BMPER: variants seen among roughly 807,000 people sequenced by gnomAD.
BMPER encodes BMP-binding endothelial regulator protein.
In BMPER, 45 loss-of-function variants were observed where a neutral mutation model predicts 87.3. That is an observed-to-expected ratio of 0.52 (90% CI 0.41 to 0.66). BMPER has a LOEUF of 0.66. Among genes scored for constraint, BMPER ranks in the 30% least tolerant of loss-of-function variants. The pLI is 0.00. For missense variants in BMPER, 784 were observed against 867.5 expected (o/e 0.90, Z 1.21); for synonymous variants, 326 against 316.2 (o/e 1.03, Z -0.33).
chr7:34,086,527 G>A (rs941247950), intron 13 of BMPER, among the ~76,000 whole-genome samples: 7 of 152,180 alleles, frequency 4.6e-5, no homozygotes, highest in Admixed American at 4.6e-4. Flanking sequence ...TCTACCTGAG[G>A]AAGAGTTTAG....
At chr7:34,055,723 T>C (rs1051599888) in intron 9 of BMPER, among the ~76,000 whole-genome samples, 10 of 152,188 alleles carry the variant, frequency 6.6e-5, no homozygotes, top group African/African-American at 2.4e-4. Context: ...AAAAATTTTC[T>C]CATTTGGAAG....
At chr7:34,068,245 A>G (rs1788644653) in intron 11 of BMPER, among the ~76,000 whole-genome samples, 1 of 152,206 alleles carries the variant, frequency 6.6e-6, no homozygotes, top group Admixed American at 6.5e-5. Context: ...GACGCTCAAG[A>G]TAGTTGTGGA....
At chr7:33,942,902 G>C (rs763274791) in intron 3 of BMPER, among the ~76,000 whole-genome samples, 2 of 152,146 alleles carry the variant, frequency 1.3e-5, no homozygotes, top group Non-Finnish European at 2.9e-5. Context: ...AATGCTTATT[G>C]GAAATCTATT....
chr7:34,133,880 G>C (rs1437195616), intron 13 of BMPER, among the ~76,000 whole-genome samples: 2 of 152,128 alleles, frequency 1.3e-5, no homozygotes, highest in Non-Finnish European at 2.9e-5. Context: ...AAACAGTTTA[G>C]TTTTTCCTTT....
chr7:33,921,529 C>G lies in BMPER; in HGVS notation c.219+14626C>G, dbSNP rs183658899. Among the ~76,000 whole-genome samples the G allele has an allele frequency of 3.2e-4, 49 of 152,276 alleles. No individual in the cohort carries two copies. In the East Asian group the frequency reaches 7.9e-3, roughly 25 times the overall value. Reference sequence around the variant, plus strand: ...AACCACAAGGGTTGAGAGAATACCCCCCGGGGTCAGTGAGAGAGACCCAGC... The same window carrying G: ...AACCACAAGGGTTGAGAGAATACCCGCCGGGGTCAGTGAGAGAGACCCAGC... On this transcript the variant is annotated intron_variant, in intron 2 of 14. Coordinates refer to ENST00000649409, the MANE Select transcript of BMPER (RefSeq NM_001365308.1).
intron 2 of BMPER, among the ~76,000 whole-genome samples, chr7:33,923,688 G>A (rs1041115017): frequency 1.3e-5 from 2 of 152,176 alleles, no homozygotes; most frequent in African/African-American, 4.8e-5. Flanking sequence ...TGTAATGACC[G>A]CAGCCAGGGT....
At position 34,154,339 on chromosome 7, in the gene BMPER, C is replaced by A. The variant is rs1428683990; in HGVS notation, c.*1066C>A. 6.6e-6 allele frequency: 1 copy of A among 152,190 alleles called. No homozygotes were observed. The highest frequency in any genetic ancestry group is 1.5e-5 in the Non-Finnish European group (1 of 68,038). The allele number at this position is 152,190 out of a possible 1,614,324, so 9.4% of individuals were successfully genotyped here. ...GTCCAAAGAACAGTCTCTATACTTG[C>A]CCTCATTTACTGATAGGCTGCTACT... On this transcript the variant is annotated 3_prime_UTR_variant, in exon 15 of 15. Transcript: ENST00000649409.
chr7:33,968,709 T>A (rs2128618179), intron 4 of BMPER, among the ~76,000 whole-genome samples: 1 of 152,360 alleles, frequency 6.6e-6, no homozygotes, highest in Admixed American at 6.5e-5. Context: ...CTCAGACAGA[T>A]GACAGGAAGT....
intron 13 of BMPER, among the ~76,000 whole-genome samples, chr7:34,130,575 G>C (rs1474297599): frequency 6.6e-6 from 1 of 152,208 alleles, no homozygotes; most frequent in Non-Finnish European, 1.5e-5. Flanking sequence ...AACAGGTTTT[G>C]AGCATGTACC....
At chr7:34,011,553 T>A (rs1585735136) in intron 6 of BMPER, among the ~76,000 whole-genome samples, 1 of 91,874 alleles carries the variant, frequency 1.1e-5, no homozygotes, top group Admixed American at 1.6e-4. Context: ...AGAATGTAAA[T>A]AGGCCTTTGC....
intron 6 of BMPER, among the ~76,000 whole-genome samples, chr7:34,007,821 G>A (rs1006102151): frequency 3.3e-5 from 5 of 151,804 alleles, no homozygotes; most frequent in African/African-American, 1.2e-4. Context: ...ATTAATCCTA[G>A]AACTAGAGTT....
intron 6 of BMPER, among the ~76,000 whole-genome samples, chr7:34,005,440 T>A (rs186569355): frequency 1.3e-5 from 2 of 152,056 alleles, no homozygotes; most frequent in Non-Finnish European, 2.9e-5. Flanking sequence ...GTTGACTTTT[T>A]ACATTTTTTT....
intron 6 of BMPER, among the ~76,000 whole-genome samples, chr7:34,043,877 G>T (rs954626569): frequency 7.9e-5 from 12 of 152,174 alleles, no homozygotes; most frequent in African/African-American, 2.9e-4. Context: ...GTAGGAATTT[G>T]TTCAGTTTTA....
At chr7:33,908,798 A>C (rs1290221256) in intron 2 of BMPER, among the ~76,000 whole-genome samples, 1 of 152,184 alleles carries the variant, frequency 6.6e-6, no homozygotes, top group African/African-American at 2.4e-5. Context: ...AGGCTCAGTG[A>C]TATGTTATCA....
chr7:34,032,336 A>T (rs1458262904), intron 6 of BMPER, among the ~76,000 whole-genome samples: 1 of 152,010 alleles, frequency 6.6e-6, no homozygotes, highest in African/African-American at 2.4e-5. Flanking sequence ...TAAGCCATAG[A>T]TCTTCTCGTG....
intron 3 of BMPER, among the ~76,000 whole-genome samples, chr7:33,945,768 C>T (rs557368828): frequency 3.9e-5 from 6 of 152,252 alleles, no homozygotes; most frequent in Admixed American, 3.9e-4. Context: ...GGTTTATGCT[C>T]ACCACTAAGT....
At chr7:34,063,755 G>C (rs1318895633) in intron 11 of BMPER, among the ~76,000 whole-genome samples, 1 of 152,176 alleles carries the variant, frequency 6.6e-6, no homozygotes, top group Non-Finnish European at 1.5e-5. Flanking sequence ...CTGCCTTCCA[G>C]TTAATTCCCT....
At chr7:34,112,338 T>C (rs528771045) in intron 13 of BMPER, among the ~76,000 whole-genome samples, 1 of 150,778 alleles carries the variant, frequency 6.6e-6, no homozygotes, top group East Asian at 2.0e-4. Context: ...ACTAAAAAAA[T>C]ACAAAAAATT....
At chr7:33,947,107 C>T (rs1429681351) in intron 3 of BMPER, among the ~76,000 whole-genome samples, 1 of 152,076 alleles carries the variant, frequency 6.6e-6, no homozygotes, top group Non-Finnish European at 1.5e-5. Flanking sequence ...AACAACTGGG[C>T]AGAAGATTAA....
Sources: allele counts gnomAD v4.1 joint callset (sites outside exome capture counted in the v4.1 genomes callset), GRCh38; gene constraint gnomAD v4.1.1; transcripts MANE v1.5; gene names NCBI Gene and HGNC (gene_info 2026-07-23, HGNC 2026-07-21).